NTRK2: variants seen among roughly 807,000 people sequenced by gnomAD.
NTRK2 encodes neurotrophic receptor tyrosine kinase 2.
Under a neutral mutation model 94.5 loss-of-function variants are expected in NTRK2, and 13 were observed. The observed-to-expected ratio is 0.14, with a 90% CI of 0.09 to 0.22. The LOEUF (loss-of-function observed/expected upper bound fraction) is 0.22, where lower values mean the gene tolerates loss of function less well. Ranked by LOEUF, NTRK2 falls within the 10% of genes least tolerant of loss-of-function variation. The pLI is 1.00. For synonymous variants in NTRK2, 372 were observed against 407.4 expected (o/e 0.91, Z 1.05); for missense variants, 639 against 1,071.2 (o/e 0.60, Z 5.63).
intron 12 of NTRK2, among the ~76,000 whole-genome samples, chr9:84,856,328 G>T (rs1389190617): frequency 6.6e-6 from 1 of 152,186 alleles, no homozygotes; most frequent in East Asian, 1.9e-4. Flanking sequence ...TTAAGTAAAA[G>T]ATTAAGATCA....
chr9:84,979,576 C>T (rs1014626439), intron 17 of NTRK2, among the ~76,000 whole-genome samples: 2 of 152,016 alleles, frequency 1.3e-5, no homozygotes, highest in Non-Finnish European at 2.9e-5. Flanking sequence ...ATTACAACCA[C>T]GAATTTGGAA....
rs373287796 is a variant in NTRK2, at chr9:84,965,943, C to T, written c.2172+10426C>T. Among the ~76,000 whole-genome samples the T allele has an allele frequency of 3.4e-4, 52 of 152,264 alleles. No individual in the cohort carries two copies. The South Asian group carries it at 8.9e-3, about 26-fold the overall frequency. On this transcript the variant is annotated intron_variant, in intron 17 of 18. Coordinates refer to ENST00000277120, the MANE Select transcript of NTRK2 (RefSeq NM_006180.6). ...AAACTCCAAGATATTGTTACATCAA[C>T]GTAGCATAATACTGGATACCTACAG...
intron 4 of NTRK2, among the ~76,000 whole-genome samples, chr9:84,707,605 G>C (rs750600999): frequency 4.8e-4 from 73 of 151,944 alleles, no homozygotes; most frequent in Admixed American, 3.0e-3. Flanking sequence ...GGGTGAAAAA[G>C]ACATTAAAAA....
intron 2 of NTRK2, among the ~76,000 whole-genome samples, chr9:84,698,499 A>G (rs1363033147): frequency 2.0e-5 from 3 of 152,068 alleles, no homozygotes; most frequent in African/African-American, 7.2e-5. Flanking sequence ...TATTCTACTG[A>G]TCATATTACA....
At chr9:84,698,479 A>G (rs970797401) in intron 2 of NTRK2, among the ~76,000 whole-genome samples, 1 of 152,124 alleles carries the variant, frequency 6.6e-6, no homozygotes, top group Non-Finnish European at 1.5e-5. Flanking sequence ...TATGACAATG[A>G]ATGTTGTAAT....
At chr9:84,938,793 G>C (rs1230036034) in intron 15 of NTRK2, among the ~76,000 whole-genome samples, 1 of 152,118 alleles carries the variant, frequency 6.6e-6, no homozygotes, top group Admixed American at 6.5e-5. Flanking sequence ...GCTCATGCCT[G>C]TAATCCCTGC....
chr9:84,908,581 C>T (rs564180503), intron 14 of NTRK2, among the ~76,000 whole-genome samples: 3 of 152,272 alleles, frequency 2.0e-5, no homozygotes, highest in East Asian at 1.9e-4. Context: ...TACACATACT[C>T]AATGCATGGC....
At chr9:85,008,756 C>G (rs887199707) in intron 17 of NTRK2, among the ~76,000 whole-genome samples, 2 of 152,126 alleles carry the variant, frequency 1.3e-5, no homozygotes, top group Non-Finnish European at 2.9e-5. Context: ...GGAGAATGTA[C>G]CTGGACCACA....
At chr9:84,810,730 T>G in intron 12 of NTRK2, 1 of 1,535,330 alleles carries the variant, frequency 6.5e-7, no homozygotes, top group Non-Finnish European at 8.8e-7. Context: ...GTTTGGAGGC[T>G]GTACTATATG....
chr9:84,822,372 G>A (rs1369611279), intron 12 of NTRK2, among the ~76,000 whole-genome samples: 1 of 152,034 alleles, frequency 6.6e-6, no homozygotes, highest in Non-Finnish European at 1.5e-5. Flanking sequence ...TCGATTCATG[G>A]GAATATGAAG....
intron 17 of NTRK2, among the ~76,000 whole-genome samples, chr9:84,990,732 TG>T (rs748680002): frequency 6.6e-6 from 1 of 152,028 alleles, no homozygotes; most frequent in African/African-American, 2.4e-5. Flanking sequence ...AACACTGGGG[TG>T]TTTCAGAAAT....
At position 84,851,156 on chromosome 9, in the gene NTRK2, A is replaced by T. The variant is rs149277663; in HGVS notation, c.1397-9884A>T. ...ACCCCACCATTGTGACAGCCCCAAA[A>T]TATCCCCCTGGCCAAATTTCCCCTG... On this transcript the variant is annotated intron_variant, in intron 12 of 18. Transcript: ENST00000277120. 6.8e-4 allele frequency among the ~76,000 whole-genome samples: 104 copies of T among 152,234 alleles called. No individual in the cohort carries two copies. The Middle Eastern group carries it at 0.017, about 25-fold the overall frequency.
At chr9:84,843,252 T>C (rs1158375831) in intron 12 of NTRK2, among the ~76,000 whole-genome samples, 2 of 152,160 alleles carry the variant, frequency 1.3e-5, no homozygotes, top group Non-Finnish European at 2.9e-5. Context: ...TGAGTAGTTA[T>C]TATGCCTGCA....
Position 84,853,987 on chromosome 9 carries a change from G to A in NTRK2, c.1397-7053G>A, listed in dbSNP as rs558367699. 1.3e-4 allele frequency among the ~76,000 whole-genome samples: 20 copies of A among 151,868 alleles called. No individual in the cohort carries two copies. In the South Asian group the frequency reaches 4.2e-3, roughly 32 times the overall value. The stretch of plus-strand genomic sequence containing the variant: ...CCTAGCTACTGGGGAGGCTGAGGCA[G>A]GAGAATTGCTGGAGGCAGAGGTTGC... On this transcript the variant is annotated intron_variant, in intron 12 of 18. Coordinates refer to ENST00000277120, the MANE Select transcript of NTRK2 (RefSeq NM_006180.6).
intron 12 of NTRK2, chr9:84,812,409 C>T: frequency 9.5e-7 from 1 of 1,056,994 alleles, no homozygotes; most frequent in Non-Finnish European, 1.1e-6. Flanking sequence ...AAGTTTTCCT[C>T]CTAACTCCAT....
In NTRK2 at chr9:84,710,757, T is replaced by C; in HGVS notation, c.549T>C (p.Asn183=). The C allele has an allele frequency of 2.5e-6, 4 of 1,614,192 alleles. No homozygotes were observed. Among genetic ancestry groups the C allele is most frequent in the Non-Finnish European group, 3.4e-6 (4 of 1,180,018 alleles). Residue 183 remains asparagine (N), a synonymous_variant, in exon 6 of 19, where the codon AAT becomes AAC. Transcript: ENST00000277120. ...DLYCLNESSK[N]IPLANLQIPN... Reference sequence around the variant, plus strand: ...ACTGCCTGAATGAAAGCAGCAAGAATATTCCCCTGGCAAACCTGCAGATAC... The same window carrying C: ...ACTGCCTGAATGAAAGCAGCAAGAACATTCCCCTGGCAAACCTGCAGATAC...
At chr9:84,990,652 C>T (rs1828942177) in intron 17 of NTRK2, among the ~76,000 whole-genome samples, 1 of 152,164 alleles carries the variant, frequency 6.6e-6, no homozygotes, top group Admixed American at 6.5e-5. Flanking sequence ...CCAAAGAGAA[C>T]ATTTGTGTGT....
intron 14 of NTRK2, among the ~76,000 whole-genome samples, chr9:84,868,608 C>T (rs2075703365): frequency 6.6e-6 from 1 of 152,016 alleles, no homozygotes; most frequent in Admixed American, 6.6e-5. Context: ...ATATTGAGCT[C>T]CTTGAAATAA....
intron 17 of NTRK2, among the ~76,000 whole-genome samples, chr9:84,965,267 A>T (rs1173692566): frequency 6.6e-6 from 1 of 152,250 alleles, no homozygotes; most frequent in African/African-American, 2.4e-5. Context: ...AAATGGCTGA[A>T]TTAATCCAAG....
Sources: allele counts gnomAD v4.1 joint callset (sites outside exome capture counted in the v4.1 genomes callset), GRCh38; gene constraint gnomAD v4.1.1; transcripts MANE v1.5; gene names NCBI Gene and HGNC (gene_info 2026-07-23, HGNC 2026-07-21).